Variants in ACVR1B observed in about 807,000 individuals in gnomAD.
ACVR1B encodes activin A receptor type 1B.
A neutral mutation model predicts 55.6 loss-of-function variants in ACVR1B; 15 were observed. That is an observed-to-expected ratio of 0.27 (90% CI 0.18 to 0.42). The LOEUF (loss-of-function observed/expected upper bound fraction) is 0.42. ACVR1B is among the 10% of genes least tolerant of loss of function. The pLI is 1.00. For synonymous variants in ACVR1B, 247 were observed against 254.6 expected (o/e 0.97, Z 0.28); for missense variants, 359 against 670.1 (o/e 0.54, Z 5.13).
At chr12:51,980,695 C>T (rs955191377) in intron 3 of ACVR1B, among the ~76,000 whole-genome samples, 6 of 152,162 alleles carry the variant, frequency 3.9e-5, no homozygotes, top group Non-Finnish European at 5.9e-5. Context: ...ATCTATCATC[C>T]GTGCTTACTG....
intron 1 of ACVR1B, among the ~76,000 whole-genome samples, chr12:51,958,262 C>T (rs1255578887): frequency 6.6e-6 from 1 of 152,194 alleles, no homozygotes; most frequent in African/African-American, 2.4e-5. Context: ...TGTTGAGTAC[C>T]TACCATGGTG....
intron 7 of ACVR1B, among the ~76,000 whole-genome samples, chr12:51,990,312 CTTTTT>C (rs71092738): frequency 1.1e-5 from 1 of 89,588 alleles, no homozygotes; most frequent in African/African-American, 4.5e-5. Flanking sequence ...AAATTTAGTG[CTTTTT>C]TTTTTTTTTT....
At chr12:51,982,045 C>T (rs1941990978) in intron 4 of ACVR1B, among the ~76,000 whole-genome samples, 1 of 152,120 alleles carries the variant, frequency 6.6e-6, no homozygotes, top group South Asian at 2.1e-4. Context: ...TCTTATGTGC[C>T]AGGCACCTCC....
chr12:51,968,095 A>C (rs996782396), intron 1 of ACVR1B, among the ~76,000 whole-genome samples: 3 of 152,096 alleles, frequency 2.0e-5, no homozygotes, highest in Admixed American at 2.0e-4. Flanking sequence ...AACTAGCCAG[A>C]CGTGGTAGCA....
chr12:51,975,524 G>T lies in ACVR1B; in HGVS notation c.331+20G>T, dbSNP rs374726820. On this transcript the variant is annotated intron_variant, in intron 2 of 8. Transcript: ENST00000257963. ...CCAGTGGTGAGTGCATGCCCTTGTT[G>T]GGCTAGTGGCTCAGCTTGGAGATAG... 9 of 1,599,106 alleles carry T rather than the reference G, an allele frequency of 5.6e-6. No homozygotes were observed. Among genetic ancestry groups the T allele is most frequent in the Non-Finnish European group, 7.7e-6 (9 of 1,167,526 alleles).
At chr12:51,985,500 C>A in intron 6 of ACVR1B, 152 bp downstream of exon 6, 2 of 840,520 alleles carry the variant, frequency 2.4e-6, no homozygotes, top group East Asian at 2.6e-5. Flanking sequence ...ACATGCACTC[C>A]CCACAATGGA....
chr12:51,990,946 C>T (rs1232054832), intron 7 of ACVR1B, among the ~76,000 whole-genome samples: 2 of 152,196 alleles, frequency 1.3e-5, no homozygotes, highest in East Asian at 1.9e-4. Context: ...TTCGGGGACA[C>T]GTATCCTTCA....
chr12:51,976,188 A>T, intron 2 of ACVR1B, 139 bp from the exon 3 acceptor site: 1 of 1,015,102 alleles, frequency 9.9e-7, no homozygotes, highest in Admixed American at 2.6e-5. Flanking sequence ...CTAGCCCAGA[A>T]GATTAGAGAG....
chr12:51,960,847 G>C (rs541517603), intron 1 of ACVR1B, among the ~76,000 whole-genome samples: 1 of 152,216 alleles, frequency 6.6e-6, no homozygotes, highest in Admixed American at 6.5e-5. Context: ...CCTAGAGGTT[G>C]TGTGGCTTCT....
intron 3 of ACVR1B, 69 bp from the exon 4 acceptor site, chr12:51,980,900 A>G (rs955287573): frequency 1.1e-4 from 155 of 1,367,260 alleles, no homozygotes; most frequent in Non-Finnish European, 1.4e-4. Flanking sequence ...CGTTGTGCCA[A>G]TTAGTGTGGG....
chr12:51,981,942 G>A (rs868354852), intron 4 of ACVR1B, among the ~76,000 whole-genome samples: 9 of 152,224 alleles, frequency 5.9e-5, no homozygotes, highest in Admixed American at 1.3e-4. Flanking sequence ...TGTAGTCCAC[G>A]AAGTGTCGCC....
rs150329947 is a variant in ACVR1B at position 51,988,220 on chromosome 12, C to T, written c.1261+1278C>T. The stretch of plus-strand genomic sequence containing the variant: ...CGCAGTGGCTCACGCTTGTAATCCC[C>T]AGCACTTTGGGAGGCCAAGGCAGGC... On this transcript the variant is annotated intron_variant, in intron 7 of 8. Transcript: ENST00000257963. Among the ~76,000 whole-genome samples, 365 of 152,268 alleles carry T rather than the reference C, an allele frequency of 2.4e-3. 1 individual carries two copies. Among genetic ancestry groups the T allele is most frequent in the African/African-American group, 8.4e-3 (349 of 41,562 alleles).
chr12:51,987,219 G>T (rs970440124), intron 7 of ACVR1B: 2 of 655,476 alleles, frequency 3.1e-6, no homozygotes, highest in Admixed American at 4.8e-5. Context: ...TTATTAGTCC[G>T]TGGCGGGGAG....
chr12:51,979,588 C>T (rs943359726), intron 3 of ACVR1B, among the ~76,000 whole-genome samples: 44 of 152,022 alleles, frequency 2.9e-4, no homozygotes, highest in African/African-American at 1.0e-3. Context: ...CATGAAGGTC[C>T]ACTGTATGTT....
intron 1 of ACVR1B, among the ~76,000 whole-genome samples, chr12:51,971,277 T>G (rs1941742464): frequency 6.6e-6 from 1 of 152,250 alleles, no homozygotes; most frequent in Non-Finnish European, 1.5e-5. Flanking sequence ...CCAATCATAC[T>G]TTGGAACCGT....
chr12:51,991,193 T>A (rs1942185809), intron 7 of ACVR1B, among the ~76,000 whole-genome samples: 1 of 152,208 alleles, frequency 6.6e-6, no homozygotes, highest in South Asian at 2.1e-4. Context: ...CCCACAGAGG[T>A]AGGTGACTGA....
chr12:51,977,985 CTG>C (rs994461972), intron 3 of ACVR1B, among the ~76,000 whole-genome samples: 13 of 152,020 alleles, frequency 8.6e-5, no homozygotes, highest in African/African-American at 2.4e-4. Flanking sequence ...TGGGACAAGA[CTG>C]TTGTTCTGTG....
chr12:51,969,999 A>G (rs1231177354), intron 1 of ACVR1B, among the ~76,000 whole-genome samples: 2 of 152,202 alleles, frequency 1.3e-5, no homozygotes, highest in Non-Finnish European at 2.9e-5. Context: ...TCATGGTGAA[A>G]CCTTGAGGTT....
chr12:51,966,159 C>A (rs1380469253), intron 1 of ACVR1B, among the ~76,000 whole-genome samples: 1 of 152,174 alleles, frequency 6.6e-6, no homozygotes, highest in Non-Finnish European at 1.5e-5. Context: ...TGGTATTCAT[C>A]ACTTGTTAGT....
Sources: gnomAD v4.1 joint callset for allele counts (sites outside exome capture counted in the v4.1 genomes callset) on GRCh38, gnomAD v4.1.1 for gene constraint, MANE v1.5 for transcripts, NCBI Gene and HGNC (gene_info 2026-07-23, HGNC 2026-07-21) for gene names.